Variants in PER3 observed in about 807,000 individuals in gnomAD.
The protein encoded by PER3 is period circadian regulator 3, also known as period circadian protein homolog 3.
PER3 carries 107 observed loss-of-function variants against 127.2 expected under a neutral mutation model. That is an observed-to-expected ratio of 0.84 (90% CI 0.72 to 0.99). The LOEUF is 0.99. Among genes scored for constraint, PER3 ranks in the 50% least tolerant of loss-of-function variants. The pLI, the probability that PER3 is intolerant of heterozygous loss-of-function variation, is 0.00. For synonymous variants in PER3, 618 were observed against 585.8 expected (o/e 1.05, Z -0.79); for missense variants, 1,560 against 1,525.8 (o/e 1.02, Z -0.37).
At chr1:7,831,962 T>C (rs1049536747) in intron 19 of PER3, among the ~76,000 whole-genome samples, 3 of 152,208 alleles carry the variant, frequency 2.0e-5, no homozygotes, top group South Asian at 2.1e-4. Context: ...GAACTGATAT[T>C]ATTTTTTCTT....
chr1:7,803,299 C>A, intron 9 of PER3, 146 bp downstream of exon 9: 1 of 664,160 alleles, frequency 1.5e-6, no homozygotes, highest in East Asian at 2.7e-5. Context: ...TTTAAACATA[C>A]TAAAACAGGC....
chr1:7,799,876 C>A (rs1301841732), intron 7 of PER3, among the ~76,000 whole-genome samples: 1 of 151,614 alleles, frequency 6.6e-6, no homozygotes, highest in Non-Finnish European at 1.5e-5. Context: ...TTCAGTGATC[C>A]TCCCACCGCA....
chr1:7,785,060 G>A lies in PER3; in HGVS notation c.128+55G>A, dbSNP rs1577587576. On this transcript the variant is annotated intron_variant, in intron 2 of 21. Transcript: ENST00000377532. ...CATGCGTTCGTTGTCCTTCCCTGGA[G>A]CAGGGAAAGGGGGACCTAAATCTTT... 4 of 1,536,192 alleles carry A rather than the reference G, an allele frequency of 2.6e-6. No individual in the cohort carries two copies. The Admixed American group carries it at 6.9e-5, about 26-fold the overall frequency.
At chr1:7,831,793 T>A (rs1471299874) in intron 19 of PER3, among the ~76,000 whole-genome samples, 1 of 152,272 alleles carries the variant, frequency 6.6e-6, no homozygotes, top group African/African-American at 2.4e-5. Context: ...CTTCCTAATA[T>A]TTTGTTACGC....
intron 18 of PER3, among the ~76,000 whole-genome samples, chr1:7,829,371 A>T (rs553233491): frequency 6.6e-6 from 1 of 152,340 alleles, no homozygotes; most frequent in East Asian, 1.9e-4. Flanking sequence ...TAGCACTCTC[A>T]GCATATGGGT....
chr1:7,822,403 C>T (rs191273246), intron 16 of PER3, among the ~76,000 whole-genome samples: 35 of 152,000 alleles, frequency 2.3e-4, no homozygotes, highest in African/African-American at 7.2e-4. Context: ...TTACAGGCCC[C>T]GCCACCATGC....
At chr1:7,828,668 C>T (rs1419604039) in intron 18 of PER3, among the ~76,000 whole-genome samples, 2 of 152,200 alleles carry the variant, frequency 1.3e-5, no homozygotes, top group Non-Finnish European at 1.5e-5. Context: ...GATTAAGACA[C>T]GGATTCAAAT....
chr1:7,803,419 C>T (rs1333685313), intron 9 of PER3, among the ~76,000 whole-genome samples: 2 of 131,986 alleles, frequency 1.5e-5, no homozygotes, highest in Non-Finnish European at 3.4e-5. Context: ...TGTAACCCAT[C>T]TATACTAAAA....
At chr1:7,841,608 G>A (rs1003848023) in intron 21 of PER3, among the ~76,000 whole-genome samples, 3 of 152,066 alleles carry the variant, frequency 2.0e-5, no homozygotes, top group African/African-American at 4.8e-5. Context: ...TAGTTACCTC[G>A]GACTCATTTT....
intron 21 of PER3, among the ~76,000 whole-genome samples, chr1:7,840,311 T>G (rs952971965): frequency 2.6e-5 from 4 of 151,898 alleles, no homozygotes; most frequent in African/African-American, 9.7e-5. Context: ...TCTTTAATTC[T>G]TTCATCATCT....
intron 10 of PER3, among the ~76,000 whole-genome samples, chr1:7,806,311 G>T (rs1313596735): frequency 6.6e-6 from 1 of 152,126 alleles, no homozygotes; most frequent in Admixed American, 6.5e-5. Context: ...GTAAACTAGA[G>T]TAGCCTTCCC....
At chr1:7,824,112 G>A (rs573297612) in intron 16 of PER3, among the ~76,000 whole-genome samples, 2 of 152,266 alleles carry the variant, frequency 1.3e-5, no homozygotes, top group East Asian at 3.9e-4. Context: ...TAAAATGTAT[G>A]GGATACAGCT....
intron 5 of PER3, among the ~76,000 whole-genome samples, chr1:7,791,222 TC>T (rs750580522): frequency 2.9e-4 from 44 of 152,368 alleles, no homozygotes; most frequent in Non-Finnish European, 4.9e-4. Context: ...TGCCTGGACA[TC>T]CAGGCATTTC....
At chr1:7,825,329 T>C (rs191975679) in intron 16 of PER3, among the ~76,000 whole-genome samples, 13 of 152,326 alleles carry the variant, frequency 8.5e-5, no homozygotes, top group Admixed American at 7.8e-4. Context: ...GAAATTTTAA[T>C]GTACAACTAT....
At chr1:7,818,963 T>C (rs1037355881) in intron 13 of PER3, among the ~76,000 whole-genome samples, 4 of 152,240 alleles carry the variant, frequency 2.6e-5, no homozygotes, top group Non-Finnish European at 4.4e-5. Context: ...CAGCTTAACA[T>C]TGGAAAGCTC....
intron 21 of PER3, among the ~76,000 whole-genome samples, chr1:7,839,425 T>A (rs999891312): frequency 6.6e-6 from 1 of 152,240 alleles, no homozygotes; most frequent in Non-Finnish European, 1.5e-5. Context: ...GTTTCTTAAA[T>A]CATGTAGAAA....
chr1:7,784,299 C>A lies in PER3; in HGVS notation c.-302C>A, dbSNP rs1371747574. 1.3e-5 allele frequency: 2 copies of A among 149,786 alleles called. No individual in the cohort carries two copies. The highest frequency in any genetic ancestry group is 1.5e-5 in the Non-Finnish European group (1 of 67,164). 9.3% of individuals were successfully genotyped at this position (149,786 alleles called of 1,614,324 possible). A position where few individuals can be genotyped will look rare whatever the true frequency, so the allele number is the denominator to read the frequency against. ...GCGCGGCGCCGGCTGCTGACCGGCA[C>A]GCGGCGAGCCTCGAGACTGCGCGAG... On this transcript the variant is annotated 5_prime_UTR_variant, in exon 1 of 22. Transcript: ENST00000377532.
intron 1 of PER3, 127 bp from the exon 2 acceptor site, chr1:7,784,527 C>T (rs950687815): frequency 4.0e-5 from 7 of 175,808 alleles, no homozygotes; most frequent in South Asian, 1.8e-4. Flanking sequence ...GGGCCCCATC[C>T]CTCGGCGCGC....
chr1:7,812,618 C>T (rs571713557), intron 13 of PER3, among the ~76,000 whole-genome samples: 1 of 71,436 alleles, frequency 1.4e-5, no homozygotes, highest in African/African-American at 5.7e-5. Flanking sequence ...GAGCAAGACT[C>T]CGTCTCAAAA....
Sources: gnomAD v4.1 joint callset for allele counts (sites outside exome capture counted in the v4.1 genomes callset) on GRCh38, gnomAD v4.1.1 for gene constraint, MANE v1.5 for transcripts, NCBI Gene and HGNC (gene_info 2026-07-23, HGNC 2026-07-21) for gene names.